The following SKP1 variants were observed in gnomAD, a reference collection of about 807,000 sequenced individuals.
SKP1 encodes S-phase kinase associated protein 1, also known as S-phase kinase-associated protein 1.
In SKP1, 1 loss-of-function variant was observed where a neutral mutation model predicts 21.5. The observed-to-expected ratio is 0.05, with a 90% CI of 0.02 to 0.22. SKP1 has a LOEUF of 0.22. Among genes scored for constraint, SKP1 ranks in the 10% least tolerant of loss-of-function variants. The probability of loss-of-function intolerance (pLI) is 1.00; values close to 1 mark genes in which losing one functional copy is unlikely to be tolerated. For missense variants in SKP1, 70 were observed against 192.0 expected (o/e 0.36, Z 3.76); for synonymous variants, 59 against 59.3 (o/e 0.99, Z 0.03).
At position 134,156,725 on chromosome 5, in the gene SKP1, A is replaced by C. The variant is rs549736227; in HGVS notation, c.*1008T>G. On this transcript the variant is annotated 3_prime_UTR_variant, in exon 6 of 6. Coordinates refer to ENST00000353411, the MANE Select transcript of SKP1 (RefSeq NM_170679.3). ...GCTCCAGTTAGGCATATAAATGACA[A>C]TTAGAAGGGACAGAAGTTATGGTTA... 5.2e-5 allele frequency: 8 copies of C among 152,454 alleles called. No individual in the cohort carries two copies. Among genetic ancestry groups the C allele is most frequent in the Non-Finnish European group, 1.2e-4 (8 of 68,038 alleles). 9.4% of individuals were successfully genotyped at this position (152,454 alleles called of 1,614,324 possible). A position where few individuals can be genotyped will look rare whatever the true frequency, so the allele number is the denominator to read the frequency against.
At chr5:134,170,773 TA>T (rs1761424928) in intron 2 of SKP1, among the ~76,000 whole-genome samples, 1 of 152,218 alleles carries the variant, frequency 6.6e-6, no homozygotes, top group African/African-American at 2.4e-5. Flanking sequence ...GCTGGCATGG[TA>T]AGTCTTCAAG....
intron 1 of SKP1, chr5:134,174,739 T>A (rs1476089181): frequency 6.6e-6 from 1 of 151,164 alleles, no homozygotes; most frequent in African/African-American, 2.4e-5. Context: ...TAATTATGAG[T>A]CGTTAGGAAA....
rs147725001 is a variant in SKP1 at position 134,156,783 on chromosome 5, C to T, written c.*950G>A. Reference sequence around the variant, plus strand: ...AGCCTCCAGTGAGCTAGGATATAAACTAAGTCTTTTCAAGCTGAACAAATA... The same window carrying T: ...AGCCTCCAGTGAGCTAGGATATAAATTAAGTCTTTTCAAGCTGAACAAATA... On this transcript the variant is annotated 3_prime_UTR_variant, in exon 6 of 6. Transcript: ENST00000353411. The T allele has an allele frequency of 2.0e-5, 3 of 152,696 alleles. No individual in the cohort carries two copies. The highest frequency in any genetic ancestry group is 7.2e-5 in the African/African-American group (3 of 41,580). The allele number at this position is 152,696 out of a possible 1,614,324, so 9.5% of individuals were successfully genotyped here.
chr5:134,152,607 T>C lies in SKP1; in HGVS notation c.*5126A>G, dbSNP rs1761060334. Reference sequence around the variant, plus strand: ...GGCTGGACTGCAGTCAGTGGCGTGATGTCGGCTCACTGCAACTTCCGCCTC... The same window carrying C: ...GGCTGGACTGCAGTCAGTGGCGTGACGTCGGCTCACTGCAACTTCCGCCTC... On this transcript the variant is annotated 3_prime_UTR_variant, in exon 6 of 6. Transcript: ENST00000353411. The C allele has an allele frequency of 6.6e-6, 1 of 152,344 alleles. No individual in the cohort carries two copies. Among genetic ancestry groups the C allele is most frequent in the Non-Finnish European group, 1.5e-5 (1 of 68,142 alleles). 9.4% of individuals were successfully genotyped at this position (152,344 alleles called of 1,614,324 possible).
At chr5:134,163,408 A>T (rs528115049) in intron 3 of SKP1, among the ~76,000 whole-genome samples, 53 of 151,736 alleles carry the variant, frequency 3.5e-4, no homozygotes, top group African/African-American at 1.1e-3. Context: ...CAGGGAAAGG[A>T]GATTTTATTG....
rs1184122519 is a variant in SKP1 at position 134,155,945 on chromosome 5, C to T, written c.*1788G>A. On this transcript the variant is annotated 3_prime_UTR_variant, in exon 6 of 6. Coordinates refer to ENST00000353411, the MANE Select transcript of SKP1 (RefSeq NM_170679.3). Reference sequence around the variant, plus strand: ...AAGTAGTTGGGATTATAGGCATGCACCATATGACTGCTAATTTTTTTTTTT... The same window carrying T: ...AAGTAGTTGGGATTATAGGCATGCATCATATGACTGCTAATTTTTTTTTTT... 2 of 152,056 alleles carry T rather than the reference C, an allele frequency of 1.3e-5. No individual in the cohort carries two copies. The highest frequency in any genetic ancestry group is 2.9e-5 in the Non-Finnish European group (2 of 68,068). The allele number at this position is 152,056 out of a possible 1,614,324, so 9.4% of individuals were successfully genotyped here. A position where few individuals can be genotyped will look rare whatever the true frequency, so the allele number is the denominator to read the frequency against.
intron 4 of SKP1, among the ~76,000 whole-genome samples, chr5:134,159,664 C>A (rs927348127): frequency 1.3e-5 from 2 of 152,114 alleles, no homozygotes; most frequent in Non-Finnish European, 2.9e-5. Flanking sequence ...TCTCCTGCCT[C>A]GGCCTCCCGA....
At chr5:134,164,192 C>T (rs528878922) in intron 3 of SKP1, among the ~76,000 whole-genome samples, 6 of 151,856 alleles carry the variant, frequency 4.0e-5, no homozygotes, top group South Asian at 2.1e-4. Context: ...CGTGGTGGCG[C>T]GCGCCTGTAA....
chr5:134,156,348 C>T lies in SKP1; in HGVS notation c.*1385G>A, dbSNP rs1009260026. The T allele has an allele frequency of 1.3e-5, 2 of 152,174 alleles. No homozygotes were observed. The highest frequency in any genetic ancestry group is 2.9e-5 in the Non-Finnish European group (2 of 68,032). The allele number at this position is 152,174 out of a possible 1,614,324, so 9.4% of individuals were successfully genotyped here. On this transcript the variant is annotated 3_prime_UTR_variant, in exon 6 of 6. Coordinates refer to ENST00000353411, the MANE Select transcript of SKP1 (RefSeq NM_170679.3). ...CAGGCTATGGGCCTGATTTGACCCA[C>T]ACATTATAGTTTCCTATCTCTGGTA...
intron 2 of SKP1, among the ~76,000 whole-genome samples, chr5:134,169,264 T>C (rs1580620659): frequency 6.6e-6 from 1 of 152,278 alleles, no homozygotes; most frequent in African/African-American, 2.4e-5. Flanking sequence ...AAATAATTCA[T>C]GTTATCTTGC....
chr5:134,158,061 A>G, intron 5 of SKP1: 1 of 1,453,352 alleles, frequency 6.9e-7, no homozygotes, highest in South Asian at 1.2e-5. Context: ...AGTCATGTCA[A>G]CAAAATCATT....
rs1463524932 is a variant in SKP1, at chr5:134,152,979, C to T, written c.*4754G>A. 6.6e-6 allele frequency: 1 copy of T among 152,256 alleles called. No homozygotes were observed. The highest frequency in any genetic ancestry group is 2.4e-5 in the African/African-American group (1 of 41,470). 9.4% of individuals were successfully genotyped at this position (152,256 alleles called of 1,614,324 possible). ...TACCAAGGAGAAGCCAGGAGCTACA[C>T]TTTAAGGATTCAGCCATTTTGTAAG... is the stretch of plus-strand genomic sequence containing the variant. On this transcript the variant is annotated 3_prime_UTR_variant, in exon 6 of 6. Transcript: ENST00000353411.
chr5:134,173,538 C>T (rs957791006), intron 2 of SKP1: 3 of 357,122 alleles, frequency 8.4e-6, no homozygotes, highest in African/African-American at 2.1e-5. Flanking sequence ...ACAGAGCTCA[C>T]TCCCTCCACT....
intron 1 of SKP1, chr5:134,176,568 G>A (rs1580626004): frequency 6.6e-6 from 1 of 152,334 alleles, no homozygotes; most frequent in East Asian, 1.9e-4. Context: ...CGCGCCGGCT[G>A]ACGCTCGGCC....
chr5:134,149,250 A>C lies in SKP1; in HGVS notation c.*8483T>G, dbSNP rs573199815. On this transcript the variant is annotated 3_prime_UTR_variant, in exon 6 of 6. Coordinates refer to ENST00000353411, the MANE Select transcript of SKP1 (RefSeq NM_170679.3). ...CCCCCTTTCATCTCCCACCTTTTGA[A>C]GTCTCCAATGTCTATTATTCCATTC... 2 of 152,312 alleles carry C rather than the reference A, an allele frequency of 1.3e-5. No homozygotes were observed. Among genetic ancestry groups the C allele is most frequent in the Non-Finnish European group, 2.9e-5 (2 of 68,032 alleles). The allele number at this position is 152,312 out of a possible 1,614,324, so 9.4% of individuals were successfully genotyped here. A position where few individuals can be genotyped will look rare whatever the true frequency, so the allele number is the denominator to read the frequency against.
intron 2 of SKP1, among the ~76,000 whole-genome samples, chr5:134,168,801 G>C (rs141605059): frequency 1.2e-4 from 18 of 152,152 alleles, no homozygotes; most frequent in Non-Finnish European, 2.1e-4. Flanking sequence ...ATTGGTAAGG[G>C]GAAGGCTGTC....
chr5:134,169,200 C>T (rs147063079), intron 2 of SKP1, among the ~76,000 whole-genome samples: 19 of 152,282 alleles, frequency 1.2e-4, no homozygotes, highest in African/African-American at 3.9e-4. Context: ...ACATGGGGTT[C>T]ACTGAGCTTT....
chr5:134,174,053 TAAGA>T, intron 1 of SKP1, 31 bp from the exon 2 acceptor site: 3 of 1,320,164 alleles, frequency 2.3e-6, no homozygotes, highest in Non-Finnish European at 3.3e-6. Context: ...ATATAAAATT[TAAGA>T]GAGAGAGTTC....
At chr5:134,162,336 C>T (rs548547819) in intron 3 of SKP1, among the ~76,000 whole-genome samples, 17 of 152,168 alleles carry the variant, frequency 1.1e-4, no homozygotes, top group Non-Finnish European at 2.4e-4. Context: ...AAGCAATTCA[C>T]CCACCTTGCC....
Sources: gnomAD v4.1 joint callset for allele counts (sites outside exome capture counted in the v4.1 genomes callset) on GRCh38, gnomAD v4.1.1 for gene constraint, MANE v1.5 for transcripts, NCBI Gene and HGNC (gene_info 2026-07-23, HGNC 2026-07-21) for gene names.